The following PTPRZ1 variants were observed in gnomAD, a reference collection of about 807,000 sequenced individuals.
PTPRZ1 encodes the protein protein tyrosine phosphatase receptor type Z1.
Under a neutral mutation model 214.1 loss-of-function variants are expected in PTPRZ1, and 82 were observed. The ratio of observed to expected loss-of-function variants is 0.38; its 90% CI spans 0.32 to 0.46. PTPRZ1 has a LOEUF of 0.46. Among genes scored for constraint, PTPRZ1 ranks in the 20% least tolerant of loss-of-function variants. The pLI is 1.00. For synonymous variants in PTPRZ1, 945 were observed against 987.9 expected (o/e 0.96, Z 0.81); for missense variants, 2,603 against 2,748.7 (o/e 0.95, Z 1.19).
intron 1 of PTPRZ1, among the ~76,000 whole-genome samples, chr7:121,922,367 GCCAA>G (rs533406771): frequency 4.3e-4 from 65 of 152,194 alleles, no homozygotes; most frequent in Non-Finnish European, 8.1e-4. Context: ...GACCAGCCTG[GCCAA>G]CATGGTGAAA....
At chr7:121,999,439 T>C (rs937277278) in intron 10 of PTPRZ1, among the ~76,000 whole-genome samples, 1 of 152,170 alleles carries the variant, frequency 6.6e-6, no homozygotes, top group Non-Finnish European at 1.5e-5. Context: ...ATGACACCTT[T>C]AGCCATACAA....
At chr7:121,929,743 G>T (rs1221269638) in intron 2 of PTPRZ1, among the ~76,000 whole-genome samples, 1 of 151,588 alleles carries the variant, frequency 6.6e-6, no homozygotes, top group Non-Finnish European at 1.5e-5. Context: ...AGGAGGCGGA[G>T]GTTGCAGTGA....
intron 2 of PTPRZ1, among the ~76,000 whole-genome samples, chr7:121,959,868 A>G (rs958888071): frequency 6.6e-6 from 1 of 152,200 alleles, no homozygotes; most frequent in Non-Finnish European, 1.5e-5. Context: ...GTTTGTTAGC[A>G]TGTAGAAAGC....
At chr7:121,997,507 A>G (rs914301741) in intron 9 of PTPRZ1, among the ~76,000 whole-genome samples, 1 of 152,156 alleles carries the variant, frequency 6.6e-6, no homozygotes, top group Non-Finnish European at 1.5e-5. Flanking sequence ...AGAAAAAGAG[A>G]TAACTTAGTT....
intron 6 of PTPRZ1, among the ~76,000 whole-genome samples, chr7:121,977,771 AG>A (rs1412014332): frequency 1.3e-5 from 2 of 151,666 alleles, no homozygotes; most frequent in African/African-American, 4.8e-5. Context: ...CCATCAACCC[AG>A]ATTGCAAAAT....
In PTPRZ1 at chr7:122,040,952, C is replaced by T; in HGVS notation, c.5774C>T (p.Ala1925Val). The T allele has an allele frequency of 5.1e-6, 8 of 1,581,816 alleles. No homozygotes were observed. In the South Asian group the frequency reaches 7.9e-5, roughly 16 times the overall value. ...AAGGCAGCCTATGCCAAGCGCCATGCAGTGGGGCCTGTTGTCGTCCACTGC... is the reference window on the plus strand; with the variant it reads ...AAGGCAGCCTATGCCAAGCGCCATGTAGTGGGGCCTGTTGTCGTCCACTGC... ...VRKAAYAKRH[A>V]VGPVVVHCSA... Residue 1925 changes from alanine to valine, a missense_variant, in exon 21 of 30, where the codon GCA becomes GTA. Coordinates refer to ENST00000393386, the MANE Select transcript of PTPRZ1 (RefSeq NM_002851.3).
chr7:121,963,935 G>GTCC (rs76667991), intron 2 of PTPRZ1, among the ~76,000 whole-genome samples: 18,463 of 151,916 alleles, frequency 0.12, 1,166 homozygotes, highest in East Asian at 0.16. Flanking sequence ...GCTATATGTT[G>GTCC]TCCTAACCTC....
rs1467419309 is a variant in PTPRZ1, at chr7:122,013,087, G to C, written c.4041G>C (p.Lys1347Asn). The C allele has an allele frequency of 6.2e-7, 1 of 1,613,572 alleles. No individual in the cohort carries two copies. Among genetic ancestry groups the C allele is most frequent in the East Asian group, 2.2e-5 (1 of 44,882 alleles). Residue 1347 changes from lysine (K) to asparagine (N), a missense_variant, in exon 12 of 30, where the codon AAG (lysine) becomes AAC (asparagine). By Grantham distance (94) the Lys-to-Asn change is moderately conservative. Transcript: ENST00000393386. ...CCACCAAAAGTTCTGTTACTGGTAAGGTATTTGCTGGTATTCCAACAGTTG... is the reference window on the plus strand; with the variant it reads ...CCACCAAAAGTTCTGTTACTGGTAACGTATTTGCTGGTATTCCAACAGTTG... ...LTSTKSSVTG[K>N]VFAGIPTVAS... is the part of the protein sequence containing the mutation.
intron 23 of PTPRZ1, 87 bp from the exon 24 acceptor site, chr7:122,051,341 G>A (rs931901684): frequency 2.3e-5 from 19 of 816,708 alleles, no homozygotes; most frequent in Admixed American, 8.8e-5. Context: ...ATTGGTGTGT[G>A]TGTGTGTGTC....
intron 1 of PTPRZ1, among the ~76,000 whole-genome samples, chr7:121,877,307 C>T (rs560867101): frequency 1.2e-4 from 18 of 152,256 alleles, no homozygotes; most frequent in African/African-American, 4.3e-4. Context: ...GAGGCTTTTC[C>T]TCTTTTCATT....
intron 2 of PTPRZ1, among the ~76,000 whole-genome samples, chr7:121,946,774 C>A (rs1049240470): frequency 6.6e-6 from 1 of 152,122 alleles, no homozygotes; most frequent in African/African-American, 2.4e-5. Flanking sequence ...TTACAGAGAT[C>A]CTGTACCACT....
At chr7:121,930,142 G>A (rs1296439482) in intron 2 of PTPRZ1, among the ~76,000 whole-genome samples, 1 of 152,070 alleles carries the variant, frequency 6.6e-6, no homozygotes, top group East Asian at 1.9e-4. Context: ...GTTTATCAGA[G>A]CAGGAAGAGT....
chr7:121,952,075 C>G (rs1024663719), intron 2 of PTPRZ1, among the ~76,000 whole-genome samples: 1 of 152,062 alleles, frequency 6.6e-6, no homozygotes, highest in Non-Finnish European at 1.5e-5. Context: ...TCTCCTGCCT[C>G]AGCCTCCCGA....
chr7:122,018,173 T>C (rs924123184), intron 12 of PTPRZ1, among the ~76,000 whole-genome samples: 4 of 152,190 alleles, frequency 2.6e-5, no homozygotes, highest in African/African-American at 9.6e-5. Context: ...TAAGGGCTTT[T>C]TGTAGCACTG....
At chr7:121,952,419 A>G (rs1796581042) in intron 2 of PTPRZ1, among the ~76,000 whole-genome samples, 1 of 152,062 alleles carries the variant, frequency 6.6e-6, no homozygotes, top group Admixed American at 6.5e-5. Context: ...CTCTATATCT[A>G]CAAAAGAATT....
At position 121,926,052 on chromosome 7, in the gene PTPRZ1, T is replaced by C. The variant is rs530370725; in HGVS notation, c.59-2104T>C. 2.6e-5 allele frequency among the ~76,000 whole-genome samples: 4 copies of C among 152,164 alleles called. No homozygotes were observed. The East Asian group carries it at 5.8e-4, about 22-fold the overall frequency. On this transcript the variant is annotated intron_variant, in intron 1 of 29. Transcript: ENST00000393386. Reference sequence around the variant, plus strand: ...GGGCACAGTGGCTCACGCCTGTAATTCCAGCACTTTGGGAGGCCAAGGCGG... The same window carrying C: ...GGGCACAGTGGCTCACGCCTGTAATCCCAGCACTTTGGGAGGCCAAGGCGG...
intron 17 of PTPRZ1, among the ~76,000 whole-genome samples, chr7:122,034,750 T>C (rs1204896189): frequency 6.6e-6 from 1 of 152,092 alleles, no homozygotes; most frequent in Non-Finnish European, 1.5e-5. Context: ...GAATTACATT[T>C]TCTTTAAACT....
intron 13 of PTPRZ1, among the ~76,000 whole-genome samples, chr7:122,020,866 T>G: frequency 6.6e-6 from 1 of 151,880 alleles, no homozygotes; most frequent in East Asian, 1.9e-4. Context: ...CTTAGCAGAG[T>G]GCTTTGAACC....
intron 8 of PTPRZ1, among the ~76,000 whole-genome samples, chr7:121,985,446 A>C (rs1480387424): frequency 6.6e-6 from 1 of 152,162 alleles, no homozygotes; most frequent in Non-Finnish European, 1.5e-5. Context: ...TTGTTATTGC[A>C]TGGCAGGCTC....
Sources: allele counts gnomAD v4.1 joint callset (sites outside exome capture counted in the v4.1 genomes callset), GRCh38; gene constraint gnomAD v4.1.1; transcripts MANE v1.5; gene names NCBI Gene and HGNC (gene_info 2026-07-23, HGNC 2026-07-21).